Variants in RBFOX1 observed in about 807,000 individuals in gnomAD.
RBFOX1 encodes RNA binding protein fox-1 homolog 1.
In RBFOX1, 8 loss-of-function variants were observed where a neutral mutation model predicts 57.7. The observed-to-expected ratio is 0.14, with a 90% CI of 0.08 to 0.25. The LOEUF is 0.25. Ranked by LOEUF, RBFOX1 falls within the 10% of genes least tolerant of loss-of-function variation. RBFOX1 has a pLI of 1.00. For synonymous variants in RBFOX1, 326 were observed against 222.4 expected (o/e 1.47, Z -4.15); for missense variants, 611 against 548.5 (o/e 1.11, Z -1.14).
At chr16:6,008,905 A>C (rs1270891282) in intron 4 of RBFOX1, among the ~76,000 whole-genome samples, 2 of 152,306 alleles carry the variant, frequency 1.3e-5, no homozygotes, top group East Asian at 3.9e-4. Flanking sequence ...CACAGAGACG[A>C]ATCAAAGCAG....
At chr16:7,410,359 A>G (rs759309909) in intron 4 of RBFOX1, among the ~76,000 whole-genome samples, 20 of 152,214 alleles carry the variant, frequency 1.3e-4, no homozygotes, top group Non-Finnish European at 2.2e-4. Context: ...ACTAAATGGC[A>G]AAACTGGGAT....
intron 3 of RBFOX1, among the ~76,000 whole-genome samples, chr16:6,929,020 C>T (rs552906286): frequency 6.6e-6 from 1 of 152,266 alleles, no homozygotes; most frequent in African/African-American, 2.4e-5. Flanking sequence ...TGCTTGAGTT[C>T]CAAGGGAGCA....
At chr16:5,326,652 G>T (rs1362626473) in intron 1 of RBFOX1, among the ~76,000 whole-genome samples, 1 of 152,130 alleles carries the variant, frequency 6.6e-6, no homozygotes, top group Non-Finnish European at 1.5e-5. Flanking sequence ...AGATCTGTAG[G>T]CATCTTTATT....
intron 3 of RBFOX1, among the ~76,000 whole-genome samples, chr16:7,005,157 C>G (rs189667853): frequency 6.6e-5 from 10 of 151,406 alleles, no homozygotes; most frequent in African/African-American, 2.2e-4. Flanking sequence ...AAACAAAAAA[C>G]GAAAAAAAAC....
chr16:6,011,423 G>A (rs907055918), intron 4 of RBFOX1, among the ~76,000 whole-genome samples: 1 of 151,730 alleles, frequency 6.6e-6, no homozygotes, highest in Non-Finnish European at 1.5e-5. Context: ...AGAGGTTTTG[G>A]GTATATCAGA....
Position 7,381,007 on chromosome 16 carries a change from G to C in RBFOX1, c.28-137140G>C, listed in dbSNP as rs1008679185. On this transcript the variant is annotated intron_variant, in intron 4 of 15. Coordinates refer to ENST00000550418, the MANE Select transcript of RBFOX1 (RefSeq NM_018723.4). ...CAGGTCTATCCTAGTGTTCTGTCTT[G>C]CATGAAACACTTTCTTGGTATTTTG... Among the ~76,000 whole-genome samples the C allele has an allele frequency of 7.9e-5, 12 of 152,166 alleles. No individual in the cohort carries two copies. In the South Asian group the frequency reaches 1.7e-3, roughly 21 times the overall value.
chr16:6,630,133 C>A (rs1291343621), intron 2 of RBFOX1, among the ~76,000 whole-genome samples: 1 of 152,076 alleles, frequency 6.6e-6, no homozygotes, highest in East Asian at 1.9e-4. Flanking sequence ...CATTATTTTA[C>A]TCAGCTACTT....
At chr16:6,812,036 A>T (rs1487608866) in intron 3 of RBFOX1, among the ~76,000 whole-genome samples, 1 of 152,194 alleles carries the variant, frequency 6.6e-6, no homozygotes, top group Non-Finnish European at 1.5e-5. Flanking sequence ...GTGCAGTACA[A>T]GAGTGTTGGT....
chr16:7,195,961 C>T (rs1352796182), intron 4 of RBFOX1, among the ~76,000 whole-genome samples: 2 of 152,050 alleles, frequency 1.3e-5, no homozygotes, highest in South Asian at 2.1e-4. Context: ...TCTACTGCCA[C>T]ACTGCTATTT....
At chr16:5,422,058 T>C (rs1490981883) in intron 1 of RBFOX1, among the ~76,000 whole-genome samples, 1 of 152,140 alleles carries the variant, frequency 6.6e-6, no homozygotes, top group African/African-American at 2.4e-5. Context: ...TAACTGAAAA[T>C]AACAAAAACC....
At chr16:7,060,410 A>G (rs1358814041) in intron 4 of RBFOX1, among the ~76,000 whole-genome samples, 1 of 152,212 alleles carries the variant, frequency 6.6e-6, no homozygotes, top group Non-Finnish European at 1.5e-5. Flanking sequence ...ATCAAAGATC[A>G]ATAAATGCAT....
intron 3 of RBFOX1, among the ~76,000 whole-genome samples, chr16:5,718,360 C>T (rs1355353123): frequency 1.3e-5 from 2 of 152,216 alleles, no homozygotes; most frequent in African/African-American, 2.4e-5. Flanking sequence ...ATCCAATCTC[C>T]ACCTGACCCA....
intron 3 of RBFOX1, among the ~76,000 whole-genome samples, chr16:6,946,577 C>G (rs1486636511): frequency 6.6e-6 from 1 of 152,110 alleles, no homozygotes; most frequent in Non-Finnish European, 1.5e-5. Flanking sequence ...AAAACCTGTT[C>G]TCCAAGAACC....
chr16:6,868,093 T>A (rs532510154), intron 3 of RBFOX1, among the ~76,000 whole-genome samples: 1 of 152,220 alleles, frequency 6.6e-6, no homozygotes, highest in Non-Finnish European at 1.5e-5. Flanking sequence ...AATTAATATG[T>A]GAAATTTTGA....
At chr16:6,727,799 C>T (rs2067596704) in intron 3 of RBFOX1, among the ~76,000 whole-genome samples, 1 of 152,118 alleles carries the variant, frequency 6.6e-6, no homozygotes, top group African/African-American at 2.4e-5. Context: ...CATTTGAGGT[C>T]TTTAATGTTT....
At chr16:7,671,535 T>C (rs1283137471) in intron 13 of RBFOX1, 3 of 1,593,752 alleles carry the variant, frequency 1.9e-6, no homozygotes, top group East Asian at 2.2e-5. Context: ...ATTGAAAACA[T>C]TACATTTCTG....
At chr16:7,613,457 T>C (rs988594872) in intron 10 of RBFOX1, among the ~76,000 whole-genome samples, 6 of 152,122 alleles carry the variant, frequency 3.9e-5, no homozygotes, top group African/African-American at 1.4e-4. Context: ...ACTGATTATA[T>C]CCATTTCAGA....
At chr16:5,260,495 A>T (rs549351774) in intron 1 of RBFOX1, among the ~76,000 whole-genome samples, 40 of 152,348 alleles carry the variant, frequency 2.6e-4, no homozygotes, top group African/African-American at 9.1e-4. Context: ...AACTGAAGGA[A>T]CTGGTCAACT....
At chr16:6,858,380 C>T (rs899534102) in intron 3 of RBFOX1, among the ~76,000 whole-genome samples, 1 of 152,164 alleles carries the variant, frequency 6.6e-6, no homozygotes, top group Non-Finnish European at 1.5e-5. Flanking sequence ...ATACTTTCCT[C>T]TCCTTGTTGG....
Sources: allele counts gnomAD v4.1 joint callset (sites outside exome capture counted in the v4.1 genomes callset), GRCh38; gene constraint gnomAD v4.1.1; transcripts MANE v1.5; gene names NCBI Gene and HGNC (gene_info 2026-07-23, HGNC 2026-07-21).